CREB5: variants seen among roughly 807,000 people sequenced by gnomAD.
CREB5 encodes cyclic AMP-responsive element-binding protein 5.
In CREB5, 19 loss-of-function variants were observed where a neutral mutation model predicts 57.1. The ratio of observed to expected loss-of-function variants is 0.33; its 90% CI spans 0.23 to 0.49. The LOEUF is 0.49. CREB5 is among the 20% of genes least tolerant of loss of function. The probability of loss-of-function intolerance (pLI) is 0.99; values close to 1 mark genes in which losing one functional copy is unlikely to be tolerated. For synonymous variants in CREB5, 238 were observed against 238.3 expected (o/e 1.00, Z 0.01); for missense variants, 579 against 671.6 (o/e 0.86, Z 1.52).
chr7:28,783,049 T>G (rs534624441), intron 7 of CREB5, among the ~76,000 whole-genome samples: 1 of 152,160 alleles, frequency 6.6e-6, no homozygotes, highest in Non-Finnish European at 1.5e-5. Context: ...TTCCACATAA[T>G]TGGGGATTGA....
Position 28,824,167 on chromosome 7 carries a change from G to C in CREB5, c.*4888G>C, listed in dbSNP as rs1809937505. 6.6e-6 allele frequency: 1 copy of C among 152,468 alleles called. No individual in the cohort carries two copies. The highest frequency in any genetic ancestry group is 2.1e-4 in the South Asian group (1 of 4,820). 9.4% of individuals were successfully genotyped at this position (152,468 alleles called of 1,614,324 possible). A position where few individuals can be genotyped will look rare whatever the true frequency, so the allele number is the denominator to read the frequency against. ...CAGCTGAGACCTGTGTCTCACATCA[G>C]CCTAGGTGAAGCCTACTACAAGAAT... On this transcript the variant is annotated 3_prime_UTR_variant, in exon 11 of 11. Coordinates refer to ENST00000357727, the MANE Select transcript of CREB5 (RefSeq NM_182898.4).
At chr7:28,668,109 C>G (rs774903205) in intron 5 of CREB5, among the ~76,000 whole-genome samples, 6 of 152,122 alleles carry the variant, frequency 3.9e-5, no homozygotes, top group Non-Finnish European at 8.8e-5. Context: ...ACGTTTAAGT[C>G]TCTTATAAAC....
At chr7:28,811,636 G>T (rs1301492024) in intron 9 of CREB5, among the ~76,000 whole-genome samples, 1 of 152,110 alleles carries the variant, frequency 6.6e-6, no homozygotes, top group Non-Finnish European at 1.5e-5. Flanking sequence ...CTACAAAAGT[G>T]TTGGGATTAT....
intron 5 of CREB5, among the ~76,000 whole-genome samples, chr7:28,660,383 T>TG (rs1451729992): frequency 6.1e-5 from 9 of 148,158 alleles, no homozygotes; most frequent in Non-Finnish European, 1.3e-4. Context: ...ATTCAACAGT[T>TG]TTTTTTTTTT....
Position 28,672,447 on chromosome 7 carries a change from G to GA in CREB5, c.465-46296dup, listed in dbSNP as rs371461368. 7.2e-3 allele frequency among the ~76,000 whole-genome samples: 1,064 copies of GA among 147,054 alleles called. 13 individuals carry two copies. Among genetic ancestry groups the GA allele is most frequent in the African/African-American group, 0.024 (945 of 40,192 alleles). On this transcript the variant is annotated intron_variant, in intron 5 of 10. Transcript: ENST00000357727. ...ATCCAGGATGTTGTACAGAACTGCA[G>GA]AAAAAAAAAATGCTCTTTTCATAAT...
chr7:28,468,600 T>A (rs1790685235), intron 1 of CREB5, among the ~76,000 whole-genome samples: 1 of 152,200 alleles, frequency 6.6e-6, no homozygotes, highest in Non-Finnish European at 1.5e-5. Context: ...CTTTGTTAAA[T>A]CCTGACTCCT....
At chr7:28,348,025 A>T (rs1404557382) in intron 1 of CREB5, among the ~76,000 whole-genome samples, 1 of 152,036 alleles carries the variant, frequency 6.6e-6, no homozygotes, top group Non-Finnish European at 1.5e-5. Context: ...GTAGGGAGAG[A>T]GGGTTCCCAG....
Position 28,781,229 on chromosome 7 carries a change from C to T in CREB5, c.703-22970C>T, listed in dbSNP as rs190254638. Among the ~76,000 whole-genome samples, 14 of 152,292 alleles carry T rather than the reference C, an allele frequency of 9.2e-5. No homozygotes were observed. The East Asian group carries it at 1.9e-3, about 21-fold the overall frequency. ...TGCCCTTCGATTTTCCTGCATTCAA[C>T]AAAGCAGATGGTATTCCCATTCCCT... is the stretch of plus-strand genomic sequence containing the variant. On this transcript the variant is annotated intron_variant, in intron 7 of 10. Coordinates refer to ENST00000357727, the MANE Select transcript of CREB5 (RefSeq NM_182898.4).
At chr7:28,522,150 T>G (rs543814539) in intron 4 of CREB5, among the ~76,000 whole-genome samples, 1 of 152,310 alleles carries the variant, frequency 6.6e-6, no homozygotes, top group East Asian at 1.9e-4. Context: ...TTTAAATAAT[T>G]TGCTGAAAGT....
intron 7 of CREB5, among the ~76,000 whole-genome samples, chr7:28,774,048 T>C (rs1000603188): frequency 3.3e-5 from 5 of 152,128 alleles, no homozygotes; most frequent in Non-Finnish European, 5.9e-5. Context: ...TAGAGGAGAG[T>C]TTCGTACTCT....
intron 1 of CREB5, among the ~76,000 whole-genome samples, chr7:28,320,608 G>A (rs1749284285): frequency 6.6e-6 from 1 of 152,108 alleles, no homozygotes; most frequent in South Asian, 2.1e-4. Context: ...CTATGTTAAG[G>A]TTCCAAGCCA....
intron 9 of CREB5, among the ~76,000 whole-genome samples, chr7:28,811,856 G>C (rs1052437728): frequency 1.3e-5 from 2 of 152,108 alleles, no homozygotes; most frequent in East Asian, 3.9e-4. Flanking sequence ...AAATATTACC[G>C]CAGTGGTTCT....
chr7:28,550,078 A>G (rs745818749), intron 4 of CREB5, among the ~76,000 whole-genome samples: 4 of 152,016 alleles, frequency 2.6e-5, no homozygotes, highest in Non-Finnish European at 5.9e-5. Context: ...TCTGACAAAG[A>G]TTTTGCTGCT....
Position 28,622,312 on chromosome 7 carries a change from CATAT to C in CREB5, c.464+51778_464+51781del, listed in dbSNP as rs1370881906. ...ACACACACTCCCCACACCCTTCAAT[CATAT>C]ATCCCCTTAGAGATGTTCATTACAT... On this transcript the variant is annotated intron_variant, in intron 5 of 10. Transcript: ENST00000357727. Among the ~76,000 whole-genome samples, 4 of 151,374 alleles carry C rather than the reference CATAT, an allele frequency of 2.6e-5. No homozygotes were observed. In the East Asian group the frequency reaches 7.8e-4, roughly 30 times the overall value.
intron 1 of CREB5, among the ~76,000 whole-genome samples, chr7:28,306,546 GTTTTTTTTGTTTTT>G (rs1204617922): frequency 3.4e-4 from 32 of 93,518 alleles, no homozygotes; most frequent in African/African-American, 1.4e-3. Context: ...ATACAGTTTT[GTTTTTTTTGTTTTT>G]TTTTTTTTTT....
At chr7:28,641,430 C>A (rs1798654905) in intron 5 of CREB5, among the ~76,000 whole-genome samples, 1 of 152,080 alleles carries the variant, frequency 6.6e-6, no homozygotes, top group African/African-American at 2.4e-5. Context: ...AAACTTGGAC[C>A]CCCAAGGAAT....
At chr7:28,468,337 G>A (rs1790675985) in intron 1 of CREB5, among the ~76,000 whole-genome samples, 1 of 152,222 alleles carries the variant, frequency 6.6e-6, no homozygotes, top group Non-Finnish European at 1.5e-5. Flanking sequence ...TGGATGGCAA[G>A]TTCTTTGGGA....
At chr7:28,611,716 AAT>A (rs967791813) in intron 5 of CREB5, among the ~76,000 whole-genome samples, 1 of 147,718 alleles carries the variant, frequency 6.8e-6, no homozygotes, top group African/African-American at 2.5e-5. Flanking sequence ...AAATAAATAA[AAT>A]ATATATGTGC....
intron 3 of CREB5, among the ~76,000 whole-genome samples, chr7:28,499,318 T>C (rs1370527516): frequency 6.6e-6 from 1 of 152,160 alleles, no homozygotes; most frequent in African/African-American, 2.4e-5. Context: ...CCATCTCCAC[T>C]GTAAATCTTG....
Sources: allele counts gnomAD v4.1 joint callset (sites outside exome capture counted in the v4.1 genomes callset), GRCh38; gene constraint gnomAD v4.1.1; transcripts MANE v1.5; gene names NCBI Gene and HGNC (gene_info 2026-07-23, HGNC 2026-07-21).